The following FXYD7 variants were observed in gnomAD, a reference collection of about 807,000 sequenced individuals.
FXYD7 encodes FXYD domain-containing ion transport regulator 7.
FXYD7 carries 7 observed loss-of-function variants against 15.3 expected under a neutral mutation model. The observed-to-expected ratio is 0.46, with a 90% CI of 0.26 to 0.86. The LOEUF is 0.86. Ranked by LOEUF, FXYD7 falls within the 40% of genes least tolerant of loss-of-function variation. The pLI is 0.16. For synonymous variants in FXYD7, 39 were observed against 39.3 expected (o/e 0.99, Z 0.03); for missense variants, 78 against 100.6 (o/e 0.78, Z 0.96).
Position 35,143,298 on chromosome 19 carries a change from G to A in FXYD7, c.-36G>A, listed in dbSNP as rs1483607876. On this transcript the variant is annotated 5_prime_UTR_variant, in exon 1 of 6. Transcript: ENST00000270310. This position sits in a 1 kb window ranked among gnomAD's most constrained non-coding sequence, Gnocchi z 4.3. Reference sequence around the variant, plus strand: ...CCAGCTGCTGCAGCGCGCCTTCGCCGCCAAAGCATCCAGCAGCCCCCTGCT... The same window carrying A: ...CCAGCTGCTGCAGCGCGCCTTCGCCACCAAAGCATCCAGCAGCCCCCTGCT... 2 of 1,531,822 alleles carry A rather than the reference G, an allele frequency of 1.3e-6. No homozygotes were observed. Among genetic ancestry groups the A allele is most frequent in the African/African-American group, 1.4e-5 (1 of 71,056 alleles). 94.9% of individuals were successfully genotyped at this position (1,531,822 alleles called of 1,614,324 possible). A position where few individuals can be genotyped will look rare whatever the true frequency, so the allele number is the denominator to read the frequency against.
At chr19:35,152,666 G>A (rs2065315680) in intron 5 of FXYD7, among the ~76,000 whole-genome samples, 1 of 151,816 alleles carries the variant, frequency 6.6e-6, no homozygotes, top group African/African-American at 2.4e-5. Context: ...GGGAGAATGT[G>A]GGAAGGAGGA....
chr19:35,154,048 T>G lies in FXYD7; in HGVS notation c.*132T>G, dbSNP rs867926988. On this transcript the variant is annotated 3_prime_UTR_variant, in exon 6 of 6. Coordinates refer to ENST00000270310, the MANE Select transcript of FXYD7 (RefSeq NM_022006.2). Reference sequence around the variant, plus strand: ...TGAGCCGCCCCACCCACCCCAAGGCTGGAGCCGCTGCACCCTGCTGTCCCT... The same window carrying G: ...TGAGCCGCCCCACCCACCCCAAGGCGGGAGCCGCTGCACCCTGCTGTCCCT... 70 of 769,608 alleles carry G rather than the reference T, an allele frequency of 9.1e-5. No individual in the cohort carries two copies. In the African/African-American group the frequency reaches 1.1e-3, roughly 12 times the overall value. The allele number at this position is 769,608 out of a possible 1,614,324, so 47.7% of individuals were successfully genotyped here.
At chr19:35,144,647 G>A (rs2065282255) in intron 1 of FXYD7, among the ~76,000 whole-genome samples, 1 of 147,074 alleles carries the variant, frequency 6.8e-6, no homozygotes, top group South Asian at 2.2e-4. Flanking sequence ...AGGGCGGGGG[G>A]TGGGGGGGGC....
intron 1 of FXYD7, among the ~76,000 whole-genome samples, chr19:35,145,000 G>A (rs2145394133): frequency 6.6e-6 from 1 of 152,286 alleles, no homozygotes; most frequent in Middle Eastern, 3.4e-3. Flanking sequence ...AGAGTTAGGA[G>A]TGAACAGAAG....
At chr19:35,147,012 C>A (rs770743395) in intron 1 of FXYD7, among the ~76,000 whole-genome samples, 1 of 152,198 alleles carries the variant, frequency 6.6e-6, no homozygotes, top group Non-Finnish European at 1.5e-5. Context: ...ACAAATAGTA[C>A]CAAAAGTCTC....
intron 2 of FXYD7, among the ~76,000 whole-genome samples, chr19:35,150,359 C>T (rs1440040071): frequency 6.6e-6 from 1 of 152,110 alleles, no homozygotes; most frequent in African/African-American, 2.4e-5. Context: ...GATTGCACCA[C>T]TGCACCCCAG....
intron 4 of FXYD7, 32 bp downstream of exon 4, chr19:35,151,514 G>A: frequency 6.2e-7 from 1 of 1,609,968 alleles, no homozygotes; most frequent in Non-Finnish European, 8.5e-7. Context: ...AGCGGGAGGG[G>A]GCCTCGGGGT....
chr19:35,153,911 G>C lies in FXYD7; in HGVS notation c.238G>C (p.Val80Leu). 6.2e-7 allele frequency: 1 copy of C among 1,612,322 alleles called. No homozygotes were observed. Among genetic ancestry groups the C allele is most frequent in the Non-Finnish European group, 8.5e-7 (1 of 1,178,986 alleles). The change falls in exon 6 of 6, where the codon GTG becomes CTG. Residue 80 changes from valine (V) to leucine (L), a missense_variant. Val to Leu is a conservative substitution (Grantham distance 32). Coordinates refer to ENST00000270310, the MANE Select transcript of FXYD7 (RefSeq NM_022006.2). The part of the protein sequence containing the change: ...LPSSAPGGGG[V>L] Reference sequence around the variant, plus strand: ...CTCCCCAGCCCCTGGTGGCGGCGGCGTGTAACACCTTCCCGAGGAAACTCC... The same window carrying C: ...CTCCCCAGCCCCTGGTGGCGGCGGCCTGTAACACCTTCCCGAGGAAACTCC...
Position 35,146,369 on chromosome 19 carries a change from C to T in FXYD7, c.32-2325C>T, listed in dbSNP as rs2065289018. On this transcript the variant is annotated intron_variant, in intron 1 of 5. Coordinates refer to ENST00000270310, the MANE Select transcript of FXYD7 (RefSeq NM_022006.2). ...GGCCAGGCTGGTCTCAAACTCCTGA[C>T]CTCGTGATCCGCCCACCTTGTATTC... 3.3e-5 allele frequency among the ~76,000 whole-genome samples: 5 copies of T among 152,304 alleles called. No homozygotes were observed. In the South Asian group the frequency reaches 1.0e-3, roughly 32 times the overall value.
At chr19:35,145,371 G>A (rs2065285820) in intron 1 of FXYD7, among the ~76,000 whole-genome samples, 1 of 152,226 alleles carries the variant, frequency 6.6e-6, no homozygotes, top group Admixed American at 6.5e-5. Context: ...GACCAGAGGA[G>A]GATCTTCCGC....
intron 1 of FXYD7, among the ~76,000 whole-genome samples, chr19:35,148,094 A>G (rs910206207): frequency 7.8e-6 from 1 of 128,934 alleles, no homozygotes; most frequent in Non-Finnish European, 1.6e-5. Context: ...AAAGAAAGAA[A>G]GAGAGAGAGA....
intron 2 of FXYD7, chr19:35,149,426 A>C (rs1600492586): frequency 1.0e-5 from 2 of 197,746 alleles, no homozygotes; most frequent in East Asian, 1.2e-4. Flanking sequence ...AACATAGACT[A>C]CTCTACTGGG....
At chr19:35,151,217 CT>C (rs1299062170) in intron 2 of FXYD7, 36 bp from the exon 3 acceptor site, 2 of 1,350,362 alleles carry the variant, frequency 1.5e-6, no homozygotes, top group Non-Finnish European at 2.1e-6. Flanking sequence ...AGCCAAGGTG[CT>C]GTCCCTGCCT....
intron 5 of FXYD7, among the ~76,000 whole-genome samples, chr19:35,152,134 C>CAAAAAAAAAAAAAAA (rs71167517): frequency 0.059 from 2,652 of 45,078 alleles, 300 homozygotes; most frequent in East Asian, 0.11. Context: ...GTGAGACTGT[C>CAAAAAAAAAAAAAAA]AAAAAAAAAA....
At chr19:35,146,743 G>C (rs780644269) in intron 1 of FXYD7, among the ~76,000 whole-genome samples, 6 of 152,186 alleles carry the variant, frequency 3.9e-5, no homozygotes, top group Non-Finnish European at 8.8e-5. Flanking sequence ...GGAGCCCAAG[G>C]CCTGTTTTCT....
chr19:35,150,232 A>G (rs1042850348), intron 2 of FXYD7, among the ~76,000 whole-genome samples: 1 of 152,080 alleles, frequency 6.6e-6, no homozygotes, highest in East Asian at 1.9e-4. Context: ...CCAGCTCTAC[A>G]TAAAAAATTT....
chr19:35,151,426 C>G lies in FXYD7; in HGVS notation c.137-14C>G, dbSNP rs763297027. On this transcript the variant is annotated splice_polypyrimidine_tract_variant and intron_variant, in intron 3 of 5. Coordinates refer to ENST00000270310, the MANE Select transcript of FXYD7 (RefSeq NM_022006.2). ...TATGTCCTGTCTTCTTGTTCTGTCTCTCTCTCCCAACAGGCAAGAAGGTGA... is the reference window on the plus strand; with the variant it reads ...TATGTCCTGTCTTCTTGTTCTGTCTGTCTCTCCCAACAGGCAAGAAGGTGA... 4 of 1,613,780 alleles carry G rather than the reference C, an allele frequency of 2.5e-6. No individual in the cohort carries two copies. The highest frequency in any genetic ancestry group is 3.4e-6 in the Non-Finnish European group (4 of 1,179,770).
In FXYD7 at chr19:35,151,327, C is replaced by T; in HGVS notation, c.135C>T (p.Ile45=). The T allele has an allele frequency of 1.2e-6, 2 of 1,604,680 alleles. No homozygotes were observed. The highest frequency in any genetic ancestry group is 8.5e-7 in the Non-Finnish European group (1 of 1,171,352). ...ILFLLGILIV[I]SKKVKCRKAD... is the part of the protein sequence containing the mutation. Reference sequence around the variant, plus strand: ...TCCTGCTGGGTATCCTCATCGTCATCAGTAAGTGCGACCCATTCCTGGGCT... The same window carrying T: ...TCCTGCTGGGTATCCTCATCGTCATTAGTAAGTGCGACCCATTCCTGGGCT... Residue 45 remains isoleucine, a splice_region_variant and synonymous_variant, in exon 3 of 6, where the codon ATC becomes ATT. Coordinates refer to ENST00000270310, the MANE Select transcript of FXYD7 (RefSeq NM_022006.2).
At chr19:35,151,931 G>A (rs1217261947) in intron 5 of FXYD7, among the ~76,000 whole-genome samples, 1 of 151,930 alleles carries the variant, frequency 6.6e-6, no homozygotes, top group Non-Finnish European at 1.5e-5. Flanking sequence ...CTGAGGTCAG[G>A]AGATCGAGAT....
Sources: allele counts gnomAD v4.1 joint callset (sites outside exome capture counted in the v4.1 genomes callset), GRCh38; gene constraint gnomAD v4.1.1; non-coding constraint Gnocchi (gnomAD v3.1); transcripts MANE v1.5; gene names NCBI Gene and HGNC (gene_info 2026-07-23, HGNC 2026-07-21).